Variants in EGFR observed in about 807,000 individuals in gnomAD.
EGFR encodes epidermal growth factor receptor.
In EGFR, 58 loss-of-function variants were observed where a neutral mutation model predicts 143.0. The observed-to-expected ratio is 0.41, with a 90% confidence interval of 0.33 to 0.50. The LOEUF is 0.50. Among genes scored for constraint, EGFR ranks in the 20% least tolerant of loss-of-function variants. The probability of loss-of-function intolerance (pLI) is 0.39; values close to 1 mark genes in which losing one functional copy is unlikely to be tolerated. For synonymous variants in EGFR, 613 were observed against 594.4 expected (o/e 1.03, Z -0.45); for missense variants, 1,307 against 1,579.0 (o/e 0.83, Z 2.92).
chr7:55,051,445 G>C (rs560206938), intron 1 of EGFR, among the ~76,000 whole-genome samples: 1 of 152,104 alleles, frequency 6.6e-6, no homozygotes, highest in Non-Finnish European at 1.5e-5. Flanking sequence ...AGAAAATTGA[G>C]TGCAGCCCCC....
At chr7:55,134,197 A>C (rs1056261747) in intron 1 of EGFR, among the ~76,000 whole-genome samples, 18 of 151,048 alleles carry the variant, frequency 1.2e-4, no homozygotes, top group African/African-American at 4.1e-4. Context: ...AGCGAGGCCC[A>C]CCCCAGCCAC....
chr7:55,185,538 A>G (rs952551246), intron 20 of EGFR, among the ~76,000 whole-genome samples: 3 of 152,246 alleles, frequency 2.0e-5, no homozygotes, highest in African/African-American at 7.2e-5. Flanking sequence ...TCCCATGCCC[A>G]GGACTGCAGA....
chr7:55,108,750 T>C (rs535209220), intron 1 of EGFR, among the ~76,000 whole-genome samples: 1 of 152,234 alleles, frequency 6.6e-6, no homozygotes, highest in East Asian at 1.9e-4. Flanking sequence ...GCACAGTCAC[T>C]CCAAACCGAA....
chr7:55,146,585 C>A (rs561106162), intron 3 of EGFR, 21 bp from the exon 4 acceptor site: 1 of 1,613,812 alleles, frequency 6.2e-7, no homozygotes. Flanking sequence ...GAGTGCTCAC[C>A]GCAGTTCCAT....
rs1359618955 is a variant in EGFR, at chr7:55,160,088, A to G, written c.1299-51A>G. ...CTGGAGAAACAAAGTTTTCAGGGATACATTGTTTTTATAATTTTTCACCAC... is the reference window on the plus strand; with the variant it reads ...CTGGAGAAACAAAGTTTTCAGGGATGCATTGTTTTTATAATTTTTCACCAC... On this transcript the variant is annotated intron_variant, in intron 11 of 27. Coordinates refer to ENST00000275493, the MANE Select transcript of EGFR (RefSeq NM_005228.5). 3.8e-6 allele frequency: 6 copies of G among 1,599,100 alleles called. No individual in the cohort carries two copies. The African/African-American group carries it at 8.0e-5, about 21-fold the overall frequency.
intron 1 of EGFR, among the ~76,000 whole-genome samples, chr7:55,117,375 C>A (rs1231668694): frequency 6.6e-6 from 1 of 152,084 alleles, no homozygotes; most frequent in African/African-American, 2.4e-5. Context: ...CAAGGAGGGG[C>A]ATTTCCCGGG....
At chr7:55,119,177 A>G (rs938531919) in intron 1 of EGFR, 6 of 152,186 alleles carry the variant, frequency 3.9e-5, no homozygotes, top group Admixed American at 2.6e-4. Context: ...ATCAATAACT[A>G]CAGGCCTTTT....
chr7:55,114,443 A>C (rs932778830), intron 1 of EGFR, among the ~76,000 whole-genome samples: 1 of 152,160 alleles, frequency 6.6e-6, no homozygotes. Context: ...CTATAATTGC[A>C]CCATTGCACT....
At chr7:55,149,722 AT>A (rs1442873707) in intron 4 of EGFR, among the ~76,000 whole-genome samples, 4 of 152,364 alleles carry the variant, frequency 2.6e-5, no homozygotes, top group African/African-American at 9.6e-5. Context: ...ATGTAGAAAC[AT>A]ATTCTTATAC....
At chr7:55,021,667 C>A (rs542586377) in intron 1 of EGFR, among the ~76,000 whole-genome samples, 3 of 152,170 alleles carry the variant, frequency 2.0e-5, no homozygotes, top group East Asian at 3.8e-4. Context: ...CTATCAAATT[C>A]AGTGGATTTT....
Position 55,152,554 on chromosome 7 carries a change from A to G in EGFR, c.637A>G (p.Ile213Val), listed in dbSNP as rs1785210764. The G allele has an allele frequency of 1.2e-6, 2 of 1,613,992 alleles. No homozygotes were observed. Among genetic ancestry groups the G allele is most frequent in the Non-Finnish European group, 1.7e-6 (2 of 1,180,018 alleles). ...GEENCQKLTKIICAQQCSGRC... is the reference protein window; with the variant it reads ...GEENCQKLTKVICAQQCSGRC... ...CCTTTGCTCTTTTTCAGTGACCAAA[A>G]TCATCTGTGCCCAGCAGTGCTCCGG... Residue 213 changes from isoleucine to valine, a missense_variant, in exon 6 of 28, where the codon ATC (isoleucine) becomes GTC (valine). This residue lies in a region of EGFR where 311 missense variants were observed against 412.3 expected (regional missense o/e 0.75). Transcript: ENST00000275493.
At chr7:55,129,179 TG>T (rs1206124990) in intron 1 of EGFR, among the ~76,000 whole-genome samples, 5 of 152,106 alleles carry the variant, frequency 3.3e-5, no homozygotes, top group African/African-American at 1.2e-4. Flanking sequence ...GAGAAAGCCG[TG>T]GGGACTACAG....
Position 55,112,768 on chromosome 7 carries a change from C to T in EGFR, c.89-29518C>T, listed in dbSNP as rs141263649. 8.5e-5 allele frequency among the ~76,000 whole-genome samples: 13 copies of T among 152,276 alleles called. No individual in the cohort carries two copies. In the South Asian group the frequency reaches 1.7e-3, roughly 19 times the overall value. ...AATTGCTGTCGGAGGGCTCTGTAAC[C>T]GGCCAAGGTCACACAGGTAGCCATT... On this transcript the variant is annotated intron_variant, in intron 1 of 27. Coordinates refer to ENST00000275493, the MANE Select transcript of EGFR (RefSeq NM_005228.5).
intron 1 of EGFR, among the ~76,000 whole-genome samples, chr7:55,022,396 A>G (rs181702030): frequency 6.6e-6 from 1 of 152,054 alleles, no homozygotes; most frequent in East Asian, 1.9e-4. Context: ...TGGTATCCAA[A>G]GTGAGATCTA....
At chr7:55,130,807 G>C (rs564526146) in intron 1 of EGFR, among the ~76,000 whole-genome samples, 1 of 152,208 alleles carries the variant, frequency 6.6e-6, no homozygotes, top group Non-Finnish European at 1.5e-5. Context: ...GCCCCGCACA[G>C]GATCCCTGCT....
In EGFR at chr7:55,202,528, T is replaced by C. The variant is rs2128973009; in HGVS notation, c.3174T>C (p.Cys1058=). 11 of 1,609,282 alleles carry C rather than the reference T, an allele frequency of 6.8e-6. No individual in the cohort carries two copies. Among genetic ancestry groups the C allele is most frequent in the Non-Finnish European group, 9.3e-6 (11 of 1,177,838 alleles). The change falls in exon 27 of 28, where the codon TGT becomes TGC. Residue 1058 remains cysteine, a synonymous_variant. Coordinates refer to ENST00000275493, the MANE Select transcript of EGFR (RefSeq NM_005228.5). ...ATTTCCTCCTGCAGCTGCAAAGCTG[T>C]CCCATCAAGGAAGACAGCTTCTTGC... The part of the protein sequence containing the change: ...ACIDRNGLQS[C]PIKEDSFLQR...
intron 5 of EGFR, among the ~76,000 whole-genome samples, chr7:55,151,597 T>A (rs6944695): frequency 3.3e-5 from 5 of 152,062 alleles, no homozygotes; most frequent in Non-Finnish European, 7.4e-5. Flanking sequence ...CAGCAGGGGC[T>A]GGGCGCGGTG....
intron 19 of EGFR, chr7:55,181,052 T>G: frequency 1.7e-6 from 1 of 592,844 alleles, no homozygotes; most frequent in South Asian, 2.0e-5. Flanking sequence ...TGCCTGGGCC[T>G]CTCTGTCATG....
intron 19 of EGFR, among the ~76,000 whole-genome samples, chr7:55,175,062 C>T (rs1786538785): frequency 6.6e-6 from 1 of 152,194 alleles, no homozygotes; most frequent in Non-Finnish European, 1.5e-5. Context: ...TGGCATCTAC[C>T]CAGCACTAGT....
Sources: allele counts gnomAD v4.1 joint callset (sites outside exome capture counted in the v4.1 genomes callset), GRCh38; gene constraint gnomAD v4.1.1; regional missense constraint gnomAD v4.1.1; transcripts MANE v1.5; gene names NCBI Gene and HGNC (gene_info 2026-07-23, HGNC 2026-07-21).